The following NCAM2 variants were observed in gnomAD, a reference collection of about 807,000 sequenced individuals.
The protein encoded by NCAM2 is neural cell adhesion molecule 2, also known as N-CAM-2.
In NCAM2, 30 loss-of-function variants were observed where a neutral mutation model predicts 98.1. That is an observed-to-expected ratio of 0.31 (90% CI 0.23 to 0.41). The LOEUF (loss-of-function observed/expected upper bound fraction) is 0.41. NCAM2 is among the 10% of genes least tolerant of loss of function. The probability of loss-of-function intolerance (pLI) is 1.00; values close to 1 mark genes in which losing one functional copy is unlikely to be tolerated. For synonymous variants in NCAM2, 368 were observed against 342.4 expected (o/e 1.07, Z -0.83); for missense variants, 867 against 1,005.8 (o/e 0.86, Z 1.87).
intron 1 of NCAM2, among the ~76,000 whole-genome samples, chr21:21,109,054 A>G (rs2066404739): frequency 6.6e-6 from 1 of 152,106 alleles, no homozygotes; most frequent in African/African-American, 2.4e-5. Flanking sequence ...AACATATCAC[A>G]TTTGTGAAAG....
At chr21:21,042,643 A>G (rs2064929631) in intron 1 of NCAM2, among the ~76,000 whole-genome samples, 2 of 152,290 alleles carry the variant, frequency 1.3e-5, no homozygotes, top group South Asian at 4.1e-4. Context: ...GTTGCCAACT[A>G]AAAAATGAGG....
intron 8 of NCAM2, among the ~76,000 whole-genome samples, chr21:21,345,739 AT>A (rs1227630715): frequency 6.6e-6 from 1 of 152,094 alleles, no homozygotes; most frequent in Non-Finnish European, 1.5e-5. Context: ...CTAGAGAAAA[AT>A]ATCAATATCT....
At chr21:21,368,337 A>G (rs528467863) in intron 8 of NCAM2, among the ~76,000 whole-genome samples, 2 of 151,556 alleles carry the variant, frequency 1.3e-5, no homozygotes, top group Non-Finnish European at 2.9e-5. Flanking sequence ...TTTCACTTCC[A>G]CCTTAATATA....
At chr21:21,402,953 T>C (rs1021393397) in intron 9 of NCAM2, among the ~76,000 whole-genome samples, 3 of 152,162 alleles carry the variant, frequency 2.0e-5, no homozygotes, top group Non-Finnish European at 4.4e-5. Context: ...CTCTGCATCC[T>C]TGACAATAAT....
At chr21:21,011,286 T>G (rs2064205444) in intron 1 of NCAM2, among the ~76,000 whole-genome samples, 2 of 152,162 alleles carry the variant, frequency 1.3e-5, no homozygotes, top group South Asian at 4.1e-4. Flanking sequence ...AAGGGAAGGA[T>G]CTGATATTCA....
intron 8 of NCAM2, among the ~76,000 whole-genome samples, chr21:21,343,760 A>T (rs920709723): frequency 6.6e-6 from 1 of 152,162 alleles, no homozygotes; most frequent in Non-Finnish European, 1.5e-5. Flanking sequence ...GTGAGGACCA[A>T]AGTGCTCTGT....
intron 9 of NCAM2, among the ~76,000 whole-genome samples, chr21:21,377,029 A>G (rs2148068302): frequency 6.6e-6 from 1 of 151,854 alleles, no homozygotes; most frequent in Admixed American, 6.6e-5. Flanking sequence ...CTAAGCATTG[A>G]TTATTTTTCT....
At chr21:21,174,988 A>G (rs187636588) in intron 1 of NCAM2, among the ~76,000 whole-genome samples, 124 of 152,272 alleles carry the variant, frequency 8.1e-4, no homozygotes, top group South Asian at 1.9e-3. Flanking sequence ...CGTAATGGAT[A>G]ATTATTTCTA....
At chr21:21,328,930 A>G (rs1045280635) in intron 6 of NCAM2, among the ~76,000 whole-genome samples, 1 of 151,320 alleles carries the variant, frequency 6.6e-6, no homozygotes, top group African/African-American at 2.4e-5. Context: ...ACATATATAT[A>G]TGCCCTATAT....
At chr21:21,258,504 G>T (rs1601788553) in intron 1 of NCAM2, among the ~76,000 whole-genome samples, 1 of 152,124 alleles carries the variant, frequency 6.6e-6, no homozygotes, top group East Asian at 1.9e-4. Context: ...AAGTGGGAGA[G>T]CTTCTCTGTT....
At chr21:21,121,396 G>A (rs1175692382) in intron 1 of NCAM2, among the ~76,000 whole-genome samples, 1 of 152,114 alleles carries the variant, frequency 6.6e-6, no homozygotes, top group African/African-American at 2.4e-5. Flanking sequence ...GAAATCAGTG[G>A]TCTTACTTGA....
In NCAM2 at chr21:21,174,569, G is replaced by A. The variant is rs559767490; in HGVS notation, c.56-106009G>A. ...GGATAATGAATTTCCCACAGACTAT[G>A]TTTCTGGAAGGCAATAAGTATAAAT... On this transcript the variant is annotated intron_variant, in intron 1 of 17. Transcript: ENST00000400546. 2.6e-5 allele frequency among the ~76,000 whole-genome samples: 4 copies of A among 152,170 alleles called. No individual in the cohort carries two copies. The East Asian group carries it at 7.7e-4, about 29-fold the overall frequency.
chr21:21,288,654 A>G (rs2147548222), intron 4 of NCAM2, among the ~76,000 whole-genome samples: 1 of 152,064 alleles, frequency 6.6e-6, no homozygotes, highest in African/African-American at 2.4e-5. Flanking sequence ...GTACATTTAT[A>G]ATAGACTTAT....
intron 9 of NCAM2, among the ~76,000 whole-genome samples, chr21:21,379,622 A>G (rs1412648029): frequency 1.3e-5 from 2 of 151,916 alleles, no homozygotes; most frequent in East Asian, 3.9e-4. Flanking sequence ...AAAACCCTGT[A>G]TTTTTTATTT....
At chr21:21,305,001 G>A (rs547145621) in intron 5 of NCAM2, among the ~76,000 whole-genome samples, 8 of 152,118 alleles carry the variant, frequency 5.3e-5, no homozygotes, top group East Asian at 1.9e-4. Context: ...TTATGGTTCC[G>A]TAGAATTCTC....
At chr21:21,143,466 G>A (rs562497339) in intron 1 of NCAM2, among the ~76,000 whole-genome samples, 21 of 151,934 alleles carry the variant, frequency 1.4e-4, no homozygotes, top group Non-Finnish European at 2.4e-4. Context: ...TTCTCATTGC[G>A]TCTGGATTTT....
At chr21:21,174,637 G>A (rs2068224831) in intron 1 of NCAM2, among the ~76,000 whole-genome samples, 3 of 151,972 alleles carry the variant, frequency 2.0e-5, no homozygotes, top group Non-Finnish European at 4.4e-5. Flanking sequence ...TTTGCTGAGT[G>A]CCTACTTGAT....
Position 21,504,135 on chromosome 21 carries a change from G to C in NCAM2, c.2078-4716G>C, listed in dbSNP as rs143510631. ...TATCCATATCTTTTCATTACTCGTT[G>C]GTGAATATCCAAGATAAAATGTTGA... On this transcript the variant is annotated intron_variant, in intron 15 of 17. Coordinates refer to ENST00000400546, the MANE Select transcript of NCAM2 (RefSeq NM_004540.5). 4.0e-3 allele frequency among the ~76,000 whole-genome samples: 610 copies of C among 151,720 alleles called. 5 individuals carry two copies. Among genetic ancestry groups the C allele is most frequent in the African/African-American group, 0.014 (576 of 41,438 alleles).
chr21:21,053,382 ATTT>A (rs567820999), intron 1 of NCAM2, among the ~76,000 whole-genome samples: 39 of 152,040 alleles, frequency 2.6e-4, no homozygotes, highest in Admixed American at 7.2e-4. Context: ...ATATTACAAA[ATTT>A]TTTATTACCA....
Sources: gnomAD v4.1 joint callset for allele counts (sites outside exome capture counted in the v4.1 genomes callset) on GRCh38, gnomAD v4.1.1 for gene constraint, MANE v1.5 for transcripts, NCBI Gene and HGNC (gene_info 2026-07-23, HGNC 2026-07-21) for gene names.